The following TRIP13 variants were observed in gnomAD, a reference collection of about 807,000 sequenced individuals.
TRIP13 encodes thyroid hormone receptor interactor 13, also known as pachytene checkpoint protein 2 homolog.
Under a neutral mutation model 54.4 loss-of-function variants are expected in TRIP13, and 25 were observed. The observed-to-expected ratio is 0.46, with a 90% CI of 0.33 to 0.64. The LOEUF (loss-of-function observed/expected upper bound fraction) is 0.64. TRIP13 is among the 30% of genes least tolerant of loss of function. The pLI is 0.02. For missense variants in TRIP13, 373 were observed against 534.2 expected (o/e 0.70, Z 2.97); for synonymous variants, 207 against 207.8 (o/e 1.00, Z 0.03).
chr5:894,792 C>T lies in TRIP13; in HGVS notation c.98C>T (p.Ala33Val). ...GTTTTGGCTTCTTTTTTTAGCACTGCAAAGAAAGAAGACATAAACCTGAGT... is the reference window on the plus strand; with the variant it reads ...GTTTTGGCTTCTTTTTTTAGCACTGTAAAGAAAGAAGACATAAACCTGAGT... ...VEVHQRGSST[A>V]KKEDINLSVR... Residue 33 changes from alanine (A) to valine (V), a missense_variant, in exon 2 of 13, where the codon GCA becomes GTA. By Grantham distance (64) the Ala-to-Val change is moderately conservative. This residue lies in a region of TRIP13 where 151 missense variants were observed against 151.9 expected (regional missense o/e 0.99). Transcript: ENST00000166345. The T allele has an allele frequency of 6.3e-7, 1 of 1,595,876 alleles. No homozygotes were observed. Among genetic ancestry groups the T allele is most frequent in the South Asian group, 1.2e-5 (1 of 86,710 alleles).
chr5:896,958 AG>A (rs1363271238), intron 3 of TRIP13, among the ~76,000 whole-genome samples, 164 bp downstream of exon 3: 1 of 152,238 alleles, frequency 6.6e-6, no homozygotes, highest in Non-Finnish European at 1.5e-5. Flanking sequence ...AGAGGAAAGT[AG>A]AGATTTCCAG....
chr5:895,898 A>G (rs1753902488), intron 2 of TRIP13, among the ~76,000 whole-genome samples: 1 of 152,158 alleles, frequency 6.6e-6, no homozygotes, highest in African/African-American at 2.4e-5. Flanking sequence ...GAGGTCAGTT[A>G]ATAAATGTAG....
intron 12 of TRIP13, 30 bp downstream of exon 12, chr5:916,003 C>T (rs1310749359): frequency 3.1e-6 from 5 of 1,606,748 alleles, no homozygotes; most frequent in Non-Finnish European, 3.4e-6. Flanking sequence ...CTCCAGCACC[C>T]GCCCTGTCCA....
At chr5:893,239 G>T (rs1753734594) in intron 1 of TRIP13, 149 bp downstream of exon 1, 3 of 799,496 alleles carry the variant, frequency 3.8e-6, no homozygotes, top group Non-Finnish European at 5.7e-6. Context: ...CGCACAGGCC[G>T]CCGGGCCCCG....
Position 904,138 on chromosome 5 carries a change from T to C in TRIP13, c.536-10T>C. On this transcript the variant is annotated splice_polypyrimidine_tract_variant and intron_variant, in intron 5 of 12. Coordinates refer to ENST00000166345, the MANE Select transcript of TRIP13 (RefSeq NM_004237.4). ...ACTTAAAAATATATTTGCTTGGATC[T>C]TTGTCACAGGTCCTCCTGGCACTGG... 1 of 1,599,256 alleles carries C rather than the reference T, an allele frequency of 6.3e-7. No individual in the cohort carries two copies. The highest frequency in any genetic ancestry group is 8.5e-7 in the Non-Finnish European group (1 of 1,176,192).
intron 4 of TRIP13, 61 bp from the exon 5 acceptor site, chr5:901,280 T>C: frequency 6.5e-7 from 1 of 1,533,184 alleles, no homozygotes; most frequent in Non-Finnish European, 9.0e-7. Context: ...GGAGGGCACA[T>C]TTCTTGGGGA....
Position 907,112 on chromosome 5 carries a change from TC to T in TRIP13, c.609-16del. The T allele has an allele frequency of 6.2e-7, 1 of 1,612,764 alleles. No homozygotes were observed. The highest frequency in any genetic ancestry group is 8.5e-7 in the Non-Finnish European group (1 of 1,178,878). On this transcript the variant is annotated splice_polypyrimidine_tract_variant and intron_variant, in intron 6 of 12. Coordinates refer to ENST00000166345, the MANE Select transcript of TRIP13 (RefSeq NM_004237.4). The surrounding 1 kb of genome is among the most constrained non-coding windows in gnomAD (Gnocchi z 4.1). Reference sequence around the variant, plus strand: ...AGGACCAGTTAGTAATTCTCTCAACTCCTTTTTTCTATCTCAGGTACCGATA... The same window carrying T: ...AGGACCAGTTAGTAATTCTCTCAACTCTTTTTTCTATCTCAGGTACCGATA...
intron 2 of TRIP13, among the ~76,000 whole-genome samples, chr5:896,330 A>T (rs943323586): frequency 4.0e-5 from 6 of 151,476 alleles, no homozygotes; most frequent in Non-Finnish European, 8.8e-5. Context: ...TAAGTTAATT[A>T]AAAAAAAACA....
Position 915,828 on chromosome 5 carries a change from G to A in TRIP13, c.1134-76G>A, listed in dbSNP as rs79787528. The A allele has an allele frequency of 3.8e-3, 5,777 of 1,526,076 alleles. 82 individuals carry two copies. The African/African-American group carries it at 0.043, about 11-fold the overall frequency. The allele number at this position is 1,526,076 out of a possible 1,614,324, so 94.5% of individuals were successfully genotyped here. A position where few individuals can be genotyped will look rare whatever the true frequency, so the allele number is the denominator to read the frequency against. The stretch of plus-strand genomic sequence containing the variant: ...CGGCTTGTGTTCCCAGGGATGCCTC[G>A]GCCAATGAGGAAAATTAGTCCTGAA... On this transcript the variant is annotated intron_variant, in intron 11 of 12. Transcript: ENST00000166345. The surrounding 1 kb of genome is among the most constrained non-coding windows in gnomAD (Gnocchi z 4.2).
chr5:896,001 A>G (rs1753905154), intron 2 of TRIP13, among the ~76,000 whole-genome samples: 1 of 152,136 alleles, frequency 6.6e-6, no homozygotes, highest in Non-Finnish European at 1.5e-5. Context: ...CTGAGTTAAT[A>G]ACAAATGTAA....
At chr5:893,837 A>T (rs908398802) in intron 1 of TRIP13, 5 of 153,354 alleles carry the variant, frequency 3.3e-5, no homozygotes, top group African/African-American at 1.2e-4. Context: ...TAATTGCACC[A>T]GGGCCCAGAG....
intron 9 of TRIP13, among the ~76,000 whole-genome samples, chr5:910,616 C>T (rs966170654): frequency 1.2e-4 from 18 of 152,192 alleles, no homozygotes; most frequent in African/African-American, 3.4e-4. Context: ...GGGGGTGTGG[C>T]TCAGGAAGAA....
At position 911,995 on chromosome 5, in the gene TRIP13, AG is replaced by A; in HGVS notation, c.1020+1del. ...CTCTCTTGTTTGGAAGAACTGATGA[AG>A]GTACCTTTATTTTTTTTTTCCTCTT... is the stretch of plus-strand genomic sequence containing the variant. ...IYLSCLEELMKCQIIYPRQQL... is the reference protein window; with the variant it reads ...IYLSCLEELMXCQIIYPRQQL... On this transcript the variant is annotated frameshift_variant and splice_region_variant, in exon 10 of 13. Transcript: ENST00000166345. LOFTEE classifies it high-confidence loss of function. The surrounding 1 kb of genome is among the most constrained non-coding windows in gnomAD (Gnocchi z 4.7). 6.3e-7 allele frequency: 1 copy of A among 1,598,152 alleles called. No homozygotes were observed. The highest frequency in any genetic ancestry group is 8.5e-7 in the Non-Finnish European group (1 of 1,176,022).
At position 907,944 on chromosome 5, in the gene TRIP13, T is replaced by C; in HGVS notation, c.673-44T>C. 6.3e-7 allele frequency: 1 copy of C among 1,591,456 alleles called. No homozygotes were observed. Among genetic ancestry groups the C allele is most frequent in the South Asian group, 1.1e-5 (1 of 90,674 alleles). On this transcript the variant is annotated intron_variant, in intron 7 of 12. Transcript: ENST00000166345. The surrounding 1 kb of genome is among the most constrained non-coding windows in gnomAD (Gnocchi z 4.1). ...CAGGGTCCCCCTGTGCACCTGGCAG[T>C]GTGGTCCCTGCACGTTGACACTAAA...
chr5:895,653 G>T (rs901746537), intron 2 of TRIP13, among the ~76,000 whole-genome samples: 11 of 152,138 alleles, frequency 7.2e-5, no homozygotes, highest in African/African-American at 2.7e-4. Context: ...ATAATGCCGT[G>T]GTTTTGGCCA....
chr5:894,954 T>C lies in TRIP13; in HGVS notation c.258+2T>C, dbSNP rs1277836841. On this transcript the variant is annotated splice_donor_variant, in intron 2 of 12. Transcript: ENST00000166345. LOFTEE classifies it high-confidence loss of function. ...GAATTAAAGGTTAAAGACTCACAGG[T>C]AAGTTACTAATTTGCTGGGCCAAGG... The C allele has an allele frequency of 6.2e-7, 1 of 1,600,240 alleles. No homozygotes were observed. Among genetic ancestry groups the C allele is most frequent in the Non-Finnish European group, 8.5e-7 (1 of 1,174,686 alleles).
chr5:910,853 C>T (rs946940503), intron 9 of TRIP13, among the ~76,000 whole-genome samples: 1 of 152,236 alleles, frequency 6.6e-6, no homozygotes, highest in Non-Finnish European at 1.5e-5. Flanking sequence ...AACCTCTGTG[C>T]CTTGTTCCTC....
chr5:899,948 A>ATC (rs1753945857), intron 3 of TRIP13, among the ~76,000 whole-genome samples: 2 of 140,604 alleles, frequency 1.4e-5, no homozygotes, highest in Non-Finnish European at 1.5e-5. Flanking sequence ...GTGGATTTGG[A>ATC]TGGGCTCTAG....
In TRIP13 at chr5:893,047, G is replaced by C; in HGVS notation, c.49G>C (p.Glu17Gln). 1 of 1,597,702 alleles carries C rather than the reference G, an allele frequency of 6.3e-7. No individual in the cohort carries two copies. Among genetic ancestry groups the C allele is most frequent in the Middle Eastern group, 1.7e-4 (1 of 5,958 alleles). The change falls in exon 1 of 13, where the codon GAG becomes CAG. Residue 17 changes from glutamate (E) to glutamine (Q), a missense_variant. Physicochemically the swap from Glu to Gln is conservative, Grantham distance 29. Around this residue, in one of 4 missense-constraint regions of TRIP13, gnomAD observed 151 missense variants for 151.9 expected, o/e 0.99. Coordinates refer to ENST00000166345, the MANE Select transcript of TRIP13 (RefSeq NM_004237.4). ...DLKQALPCVA[E>Q]SPTVHVEVHQ... ...GAAGCAGGCGCTTCCCTGTGTGGCC[G>C]AGTCGCCAACGGTCCACGTGGAGGT...
Sources: gnomAD v4.1 joint callset for allele counts (sites outside exome capture counted in the v4.1 genomes callset) on GRCh38, gnomAD v4.1.1 for gene constraint, gnomAD v4.1.1 regional missense constraint, Gnocchi (gnomAD v3.1) non-coding constraint, MANE v1.5 for transcripts, NCBI Gene and HGNC (gene_info 2026-07-23, HGNC 2026-07-21) for gene names.